VWF: variants seen among roughly 807,000 people sequenced by gnomAD.
VWF encodes Factor VIII related antigen.
A neutral mutation model predicts 308.6 loss-of-function variants in VWF; 176 were observed. The ratio of observed to expected loss-of-function variants is 0.57; its 90% confidence interval spans 0.50 to 0.65. The LOEUF is 0.65. VWF is among the 30% of genes least tolerant of loss of function. VWF has a pLI of 0.00. For missense variants in VWF, 3,146 were observed against 3,648.2 expected, an observed-to-expected ratio of 0.86 and a Z score of 3.55; for synonymous variants, 1,385 against 1,443.4, an observed-to-expected ratio of 0.96 and a Z score of 0.92.
In VWF at chr12:6,120,200, G is replaced by A. The variant is rs578184277; in HGVS notation, c.220+974C>T. Among the ~76,000 whole-genome samples, 8 of 152,292 alleles carry A rather than the reference G, an allele frequency of 5.3e-5. No individual in the cohort carries two copies. The East Asian group carries it at 1.5e-3, about 29-fold the overall frequency. ...GCCCAGATCTCAGGTAAGTGTCCAG[G>A]TGTTGCCAAAGACTCCCTCCTTGAC... On this transcript the variant is annotated intron_variant, in intron 3 of 51. Transcript: ENST00000261405.
rs547382327 is a variant in VWF at position 6,079,472 on chromosome 12, T to C, written c.658-3921A>G. Among the ~76,000 whole-genome samples, 10 of 152,110 alleles carry C rather than the reference T, an allele frequency of 6.6e-5. No homozygotes were observed. The East Asian group carries it at 1.7e-3, about 27-fold the overall frequency. On this transcript the variant is annotated intron_variant, in intron 6 of 51. Transcript: ENST00000261405. Reference sequence around the variant, plus strand: ...ATACAAAAAAAAAATTAGCCGGGCATGGTGGCGGGCACCTGTAGTCCCAGC... The same window carrying C: ...ATACAAAAAAAAAATTAGCCGGGCACGGTGGCGGGCACCTGTAGTCCCAGC...
At chr12:6,044,603 C>G (rs1944429150) in intron 17 of VWF, 152 bp from the exon 18 acceptor site, 1 of 968,114 alleles carries the variant, frequency 1.0e-6, no homozygotes, top group South Asian at 1.5e-5. Context: ...AGCCAGGGTC[C>G]CTGTGTGGGA....
Position 5,969,313 on chromosome 12 carries a change from G to T in VWF, c.7627C>A (p.Gln2543Lys). ...TGGGGGCAGGAGACGTTCCTTTGTT[G>T]TATAAAGACCTCCTCCTTCACTCGG... ...CVRVKEEVFIQQRNVSCPQLE... is the reference protein window; with the variant it reads ...CVRVKEEVFIKQRNVSCPQLE... The change falls in exon 45 of 52, where the codon CAA becomes AAA. Residue 2543 changes from glutamine (Q) to lysine (K), a missense_variant. Transcript: ENST00000261405. The T allele has an allele frequency of 6.2e-7, 1 of 1,614,202 alleles. No individual in the cohort carries two copies. Among genetic ancestry groups the T allele is most frequent in the Non-Finnish European group, 8.5e-7 (1 of 1,180,040 alleles).
In VWF at chr12:6,011,657, A is replaced by C; in HGVS notation, c.5802T>G (p.Val1934=). Residue 1934 remains valine (V), a synonymous_variant, in exon 34 of 52, where the codon GTT becomes GTG. Coordinates refer to ENST00000261405, the MANE Select transcript of VWF (RefSeq NM_000552.5). The stretch of plus-strand genomic sequence containing the variant: ...GGCAGCCACAGGTCTCTTCCACTTT[A>C]ACAGGGGACTGGCTGTTAGGGCACG... ...RPSCPNSQSP[V]KVEETCGCRW... The C allele has an allele frequency of 6.2e-7, 1 of 1,613,428 alleles. No individual in the cohort carries two copies. The highest frequency in any genetic ancestry group is 8.5e-7 in the Non-Finnish European group (1 of 1,179,740).
intron 3 of VWF, among the ~76,000 whole-genome samples, chr12:6,116,083 T>A (rs536259928): frequency 6.6e-6 from 1 of 152,152 alleles, no homozygotes; most frequent in African/African-American, 2.4e-5. Context: ...GGGCATCAGA[T>A]GATGTGCAGC....
In VWF at chr12:5,953,404, C is replaced by T; in HGVS notation, c.7986+92G>A. On this transcript the variant is annotated intron_variant, in intron 48 of 51. Coordinates refer to ENST00000261405, the MANE Select transcript of VWF (RefSeq NM_000552.5). ...ATAGAAAAAGAAGCCAATACTGAACCAAACTTAGCCCCTCTTCCTTGAAGA... is the reference window on the plus strand; with the variant it reads ...ATAGAAAAAGAAGCCAATACTGAACTAAACTTAGCCCCTCTTCCTTGAAGA... 4.0e-6 allele frequency: 4 copies of T among 999,352 alleles called. No individual in the cohort carries two copies. The South Asian group carries it at 5.2e-5, about 13-fold the overall frequency. The allele number at this position is 999,352 out of a possible 1,614,324, so 61.9% of individuals were successfully genotyped here. A position where few individuals can be genotyped will look rare whatever the true frequency, so the allele number is the denominator to read the frequency against.
At chr12:6,079,347 C>T (rs1022934685) in intron 6 of VWF, among the ~76,000 whole-genome samples, 1 of 152,224 alleles carries the variant, frequency 6.6e-6, no homozygotes, top group East Asian at 1.9e-4. Context: ...TGGCTCACAC[C>T]TGTAATCCCA....
Position 6,056,898 on chromosome 12 carries a change from C to T in VWF, c.1904G>A (p.Gly635Glu). The T allele has an allele frequency of 1.3e-6, 2 of 1,522,464 alleles. No individual in the cohort carries two copies. The highest frequency in any genetic ancestry group is 4.0e-5 in the Admixed American group (2 of 50,004). The allele number at this position is 1,522,464 out of a possible 1,614,324, so 94.3% of individuals were successfully genotyped here. ...ALASYAAACA[G>E]RGVRVAWREP... Reference sequence around the variant, plus strand: ...GCGCCACGCGACGCGCACGCCTCTCCCCGCGCAGGCCGCGGCATAGCTGGC... The same window carrying T: ...GCGCCACGCGACGCGCACGCCTCTCTCCGCGCAGGCCGCGGCATAGCTGGC... The change falls in exon 15 of 52, where the codon GGG (glycine) becomes GAG (glutamate). Residue 635 changes from glycine (G) to glutamate (E), a missense_variant. Around this residue, in one of 3 missense-constraint regions of VWF, gnomAD observed 1,304 missense variants for 1,353.0 expected, o/e 0.96. Transcript: ENST00000261405.
At chr12:6,031,643 T>G in intron 20 of VWF, 65 bp from the exon 21 acceptor site, 1 of 1,612,004 alleles carries the variant, frequency 6.2e-7, no homozygotes, top group Admixed American at 1.7e-5. Flanking sequence ...ACCAGAAGAT[T>G]GGCATCTCTT....
At chr12:6,042,729 T>A (rs1944408939) in intron 18 of VWF, among the ~76,000 whole-genome samples, 1 of 152,244 alleles carries the variant, frequency 6.6e-6, no homozygotes, top group South Asian at 2.1e-4. Flanking sequence ...AGCCTGTATT[T>A]GAGGTCCCGC....
At position 5,985,215 on chromosome 12, in the gene VWF, A is replaced by G. The variant is rs1943665254; in HGVS notation, c.6902-96T>C. ...TTCTTGCTCACTGAAAACTAGTAGG[A>G]GTTCTGTACGGTCATCCCACAAGGA... On this transcript the variant is annotated intron_variant, in intron 39 of 51. Transcript: ENST00000261405. The G allele has an allele frequency of 1.2e-5, 15 of 1,286,988 alleles. No homozygotes were observed. The South Asian group carries it at 1.7e-4, about 14-fold the overall frequency. The allele number at this position is 1,286,988 out of a possible 1,614,324, so 79.7% of individuals were successfully genotyped here.
chr12:5,990,607 T>C (rs770606722), intron 38 of VWF, among the ~76,000 whole-genome samples: 1 of 152,026 alleles, frequency 6.6e-6, no homozygotes, highest in Non-Finnish European at 1.5e-5. Context: ...CAGTCCATGA[T>C]CACAAAACAC....
chr12:5,964,197 A>G (rs993400498), intron 47 of VWF, among the ~76,000 whole-genome samples: 1 of 127,162 alleles, frequency 7.9e-6, no homozygotes, highest in African/African-American at 3.2e-5. Context: ...AGCCTGGGCG[A>G]CAGAGAGAGA....
At chr12:5,990,512 G>T (rs1035319237) in intron 38 of VWF, among the ~76,000 whole-genome samples, 1 of 152,100 alleles carries the variant, frequency 6.6e-6, no homozygotes, top group Non-Finnish European at 1.5e-5. Context: ...TCCTATTCGT[G>T]GTTGAACATA....
chr12:6,093,814 G>C (rs2136498137), intron 6 of VWF, among the ~76,000 whole-genome samples: 1 of 152,348 alleles, frequency 6.6e-6, no homozygotes, highest in East Asian at 1.9e-4. Flanking sequence ...ACCTGTGGCA[G>C]GTGAAGGCAG....
At chr12:6,090,250 C>T (rs578196795) in intron 6 of VWF, among the ~76,000 whole-genome samples, 9 of 152,276 alleles carry the variant, frequency 5.9e-5, no homozygotes, top group African/African-American at 1.7e-4. Context: ...AGCCACCGTG[C>T]CCGGCCGAAA....
In VWF at chr12:5,948,878, T is replaced by C; in HGVS notation, c.*137A>G. ...CTACGACACAGTGCACCAGCAGCCT[T>C]TTGCAAGATAAGAGCTCAGCCTTTA... On this transcript the variant is annotated 3_prime_UTR_variant, in exon 52 of 52. Transcript: ENST00000261405. The surrounding 1 kb of genome is among the most constrained non-coding windows in gnomAD (Gnocchi z 4.4). 9.2e-7 allele frequency: 1 copy of C among 1,084,504 alleles called. No homozygotes were observed. The highest frequency in any genetic ancestry group is 1.4e-5 in the South Asian group (1 of 73,086). The allele number at this position is 1,084,504 out of a possible 1,614,324, so 67.2% of individuals were successfully genotyped here. A position where few individuals can be genotyped will look rare whatever the true frequency, so the allele number is the denominator to read the frequency against.
intron 42 of VWF, among the ~76,000 whole-genome samples, chr12:5,976,801 C>T (rs1943539213): frequency 6.6e-6 from 1 of 152,086 alleles, no homozygotes; most frequent in South Asian, 2.1e-4. Flanking sequence ...TTGGGAAGAA[C>T]AATAGGCTCT....
chr12:6,083,897 C>T (rs1220831525), intron 6 of VWF, among the ~76,000 whole-genome samples: 2 of 152,246 alleles, frequency 1.3e-5, no homozygotes, highest in East Asian at 1.9e-4. Context: ...CTTTCTACTG[C>T]GGGAATGTAG....
Sources: gnomAD v4.1 joint callset for allele counts (sites outside exome capture counted in the v4.1 genomes callset) on GRCh38, gnomAD v4.1.1 for gene constraint, gnomAD v4.1.1 regional missense constraint, Gnocchi (gnomAD v3.1) non-coding constraint, MANE v1.5 for transcripts, NCBI Gene and HGNC (gene_info 2026-07-23, HGNC 2026-07-21) for gene names.